The following EIF4G3 variants were observed in gnomAD, a reference collection of about 807,000 sequenced individuals.
The protein encoded by EIF4G3 is eIF-4-gamma 3.
Under a neutral mutation model 186.4 loss-of-function variants are expected in EIF4G3, and 34 were observed. That is an observed-to-expected ratio of 0.18 (90% CI 0.14 to 0.24). The LOEUF (loss-of-function observed/expected upper bound fraction) is 0.24. EIF4G3 is among the 10% of genes least tolerant of loss of function. The pLI, the probability that EIF4G3 is intolerant of heterozygous loss-of-function variation, is 1.00. For synonymous variants in EIF4G3, 673 were observed against 679.5 expected, an observed-to-expected ratio of 0.99 and a Z score of 0.15; for missense variants, 1,536 against 1,948.5, an observed-to-expected ratio of 0.79 and a Z score of 3.99.
intron 7 of EIF4G3, 121 bp downstream of exon 7, chr1:20,997,480 G>T: frequency 1.0e-6 from 1 of 955,266 alleles, no homozygotes; most frequent in Non-Finnish European, 1.7e-6. Flanking sequence ...TCAGATAAAA[G>T]CTACTCTTGA....
intron 2 of EIF4G3, among the ~76,000 whole-genome samples, chr1:21,116,700 G>T (rs967708942): frequency 6.6e-6 from 1 of 151,708 alleles, no homozygotes; most frequent in East Asian, 1.9e-4. Flanking sequence ...TTAGCTGGGC[G>T]TGGTGGCGTG....
At chr1:21,175,990 G>A (rs2098095843) in intron 2 of EIF4G3, 185 bp downstream of exon 2, 4 of 262,804 alleles carry the variant, frequency 1.5e-5, no homozygotes, top group Non-Finnish European at 2.8e-5. Context: ...GGGTCTGGGG[G>A]TCCCCCCGCA....
At chr1:20,872,067 C>T (rs145705843) in intron 20 of EIF4G3, among the ~76,000 whole-genome samples, 2 of 152,098 alleles carry the variant, frequency 1.3e-5, no homozygotes, top group Non-Finnish European at 2.9e-5. Context: ...CAAATCTTAC[C>T]ATTTTGCCAT....
In EIF4G3 at chr1:20,989,081, GGGAGAGGAGAGGAGA is replaced by G. The variant is rs1553394546; in HGVS notation, c.178-6688_178-6674del. On this transcript the variant is annotated intron_variant, in intron 7 of 36. Transcript: ENST00000602326. ...AGGAGGGGAGGGGAGGGGAGGGGAG[GGGAGAGGAGAGGAGA>G]GGAGAGGAGAGATTTGTGATTCATG... 4.3e-4 allele frequency among the ~76,000 whole-genome samples: 16 copies of G among 36,918 alleles called. 1 individual carries two copies. The highest frequency in any genetic ancestry group is 1.2e-3 in the South Asian group (1 of 844). 24.2% of individuals were successfully genotyped at this position (36,918 alleles called of 152,430 possible). A position where few individuals can be genotyped will look rare whatever the true frequency, so the allele number is the denominator to read the frequency against.
chr1:21,092,752 A>C (rs1400334778), intron 2 of EIF4G3, among the ~76,000 whole-genome samples: 1 of 152,192 alleles, frequency 6.6e-6, no homozygotes, highest in Non-Finnish European at 1.5e-5. Context: ...CAAAACAGAG[A>C]TATAGACCAA....
At chr1:20,914,666 G>T (rs894824962) in intron 14 of EIF4G3, among the ~76,000 whole-genome samples, 4 of 152,050 alleles carry the variant, frequency 2.6e-5, no homozygotes, top group Admixed American at 6.5e-5. Context: ...AAATGGGTGG[G>T]TTTTCATTTT....
intron 3 of EIF4G3, among the ~76,000 whole-genome samples, chr1:21,053,392 C>G (rs1413748148): frequency 6.6e-6 from 1 of 151,730 alleles, no homozygotes; most frequent in East Asian, 2.0e-4. Flanking sequence ...CCCGCCCGGA[C>G]AGCCGCCCCG....
intron 14 of EIF4G3, among the ~76,000 whole-genome samples, chr1:20,918,000 C>T (rs1180554660): frequency 6.6e-6 from 1 of 152,062 alleles, no homozygotes; most frequent in East Asian, 1.9e-4. Context: ...ATTCCAAGGG[C>T]TTTTTTTCTT....
Position 20,895,143 on chromosome 1 carries a change from A to T in EIF4G3, c.2133+225T>A, listed in dbSNP as rs3738150. On this transcript the variant is annotated intron_variant, in intron 17 of 36. Transcript: ENST00000602326. ...ATAAGCAGATAAATCAATAAACATT[A>T]AAAAAAACCACCACTCCAACATGGG... Among the ~76,000 whole-genome samples, 1,405 of 151,870 alleles carry T rather than the reference A, an allele frequency of 9.3e-3. 92 individuals carry two copies. In the East Asian group the frequency reaches 0.2, roughly 22 times the overall value.
chr1:21,010,835 A>G (rs943200665), intron 4 of EIF4G3, among the ~76,000 whole-genome samples: 1 of 152,206 alleles, frequency 6.6e-6, no homozygotes. Context: ...AGTGACAGAG[A>G]CCTATCACTG....
chr1:21,170,686 T>G (rs2097945007), intron 2 of EIF4G3, among the ~76,000 whole-genome samples: 1 of 148,948 alleles, frequency 6.7e-6, no homozygotes, highest in African/African-American at 2.5e-5. Context: ...TACAAAACAA[T>G]TATTAGTTAA....
At chr1:21,063,450 A>G (rs552418483) in intron 3 of EIF4G3, among the ~76,000 whole-genome samples, 2 of 152,344 alleles carry the variant, frequency 1.3e-5, no homozygotes, top group South Asian at 4.1e-4. Context: ...ACACTGTAAG[A>G]GTAAAAAATA....
intron 14 of EIF4G3, among the ~76,000 whole-genome samples, chr1:20,927,184 C>T (rs1202636750): frequency 1.3e-5 from 2 of 151,922 alleles, no homozygotes; most frequent in African/African-American, 4.8e-5. Context: ...GCTGGGATTA[C>T]AGGTGCCAGG....
rs1281435116 is a variant in EIF4G3, at chr1:20,879,860, GTATTTA to G, written c.2425-346_2425-341del. ...AACCAGTAATTACACTTTTAGAAAT[GTATTTA>G]TATTTAGAGATACGTAAAAATACTT... On this transcript the variant is annotated intron_variant, in intron 19 of 36. Coordinates refer to ENST00000602326, the MANE Select transcript of EIF4G3 (RefSeq NM_001391906.1). Among the ~76,000 whole-genome samples the G allele has an allele frequency of 9.2e-5, 14 of 152,170 alleles. No homozygotes were observed. The East Asian group carries it at 1.7e-3, about 19-fold the overall frequency.
chr1:21,135,061 G>A (rs1040099552), intron 2 of EIF4G3, among the ~76,000 whole-genome samples: 6 of 152,156 alleles, frequency 3.9e-5, no homozygotes, highest in East Asian at 1.9e-4. Flanking sequence ...AAAGAAATAC[G>A]TCCCACCACA....
intron 4 of EIF4G3, among the ~76,000 whole-genome samples, chr1:21,029,751 G>A (rs1395867311): frequency 1.3e-5 from 2 of 152,136 alleles, no homozygotes; most frequent in Non-Finnish European, 2.9e-5. Context: ...AAAAGAAATG[G>A]ATTAAAGAAT....
At chr1:20,817,680 A>AT (rs2061402161) in intron 33 of EIF4G3, 142 bp from the exon 34 acceptor site, 145 of 220,492 alleles carry the variant, frequency 6.6e-4, no homozygotes, top group Middle Eastern at 3.4e-3. Flanking sequence ...TTATGTTTGT[A>AT]GTTTTTTTTT....
At chr1:20,875,995 G>A (rs1054763712) in intron 20 of EIF4G3, among the ~76,000 whole-genome samples, 6 of 152,014 alleles carry the variant, frequency 3.9e-5, no homozygotes, top group African/African-American at 1.4e-4. Context: ...GCTGAGGCAA[G>A]CAGATCACTT....
At chr1:20,856,748 T>C (rs1193587264) in intron 25 of EIF4G3, among the ~76,000 whole-genome samples, 1 of 152,202 alleles carries the variant, frequency 6.6e-6, no homozygotes, top group Admixed American at 6.5e-5. Context: ...TACGGATACA[T>C]TGTGTAAAAG....
Sources: gnomAD v4.1 joint callset for allele counts (sites outside exome capture counted in the v4.1 genomes callset) on GRCh38, gnomAD v4.1.1 for gene constraint, MANE v1.5 for transcripts, NCBI Gene and HGNC (gene_info 2026-07-23, HGNC 2026-07-21) for gene names.